The following KIF19 variants were observed in gnomAD, a reference collection of about 807,000 sequenced individuals.
KIF19 encodes kinesin-like protein KIF19.
Under a neutral mutation model 106.6 loss-of-function variants are expected in KIF19, and 98 were observed. That is an observed-to-expected ratio of 0.92 (90% CI 0.78 to 1.09). KIF19 has a LOEUF of 1.09. KIF19 is among the 50% of genes least tolerant of loss of function. The pLI, the probability that KIF19 is intolerant of heterozygous loss-of-function variation, is 0.00. For synonymous variants in KIF19, 516 were observed against 584.2 expected (o/e 0.88, Z 1.68); for missense variants, 1,373 against 1,414.3 (o/e 0.97, Z 0.47).
chr17:74,348,010 C>A, intron 9 of KIF19, 111 bp downstream of exon 9: 1 of 1,265,678 alleles, frequency 7.9e-7, no homozygotes, highest in Non-Finnish European at 1.1e-6. Flanking sequence ...CACTGCTGCA[C>A]TGGCCTCATT....
At position 74,344,264 on chromosome 17, in the gene KIF19, G is replaced by A; in HGVS notation, c.498G>A (p.Leu166=). 1 of 1,612,944 alleles carries A rather than the reference G, an allele frequency of 6.2e-7. No homozygotes were observed. The highest frequency in any genetic ancestry group is 8.5e-7 in the Non-Finnish European group (1 of 1,179,704). Residue 166 remains leucine (L), a synonymous_variant, in exon 6 of 20, where the codon CTG becomes CTA. Coordinates refer to ENST00000389916, the MANE Select transcript of KIF19 (RefSeq NM_153209.4). Reference sequence around the variant, plus strand: ...TCCGGGACCTGCTGAACCCCTCCCTGGGCTACCTGGAGCTGCGGGAGGACT... The same window carrying A: ...TCCGGGACCTGCTGAACCCCTCCCTAGGCTACCTGGAGCTGCGGGAGGACT... ...EMIRDLLNPS[L]GYLELREDSK...
At chr17:74,332,209 TTTGTG>T (rs1567897602) in intron 2 of KIF19, among the ~76,000 whole-genome samples, 116 of 50,430 alleles carry the variant, frequency 2.3e-3, no homozygotes, top group African/African-American at 8.8e-3. Flanking sequence ...TGTGTGTGTG[TTTGTG>T]TGTGTGTGTG....
chr17:74,347,739 G>A (rs1311118883), intron 8 of KIF19, 38 bp from the exon 9 acceptor site: 2 of 1,575,022 alleles, frequency 1.3e-6, no homozygotes, highest in Non-Finnish European at 1.7e-6. Flanking sequence ...AAGGCCTGAG[G>A]AGGCAGTCCC....
intron 15 of KIF19, 86 bp downstream of exon 15, chr17:74,353,040 A>G: frequency 1.3e-6 from 2 of 1,541,372 alleles, no homozygotes; most frequent in Non-Finnish European, 1.8e-6. Flanking sequence ...TGGGGAACAC[A>G]GAGCAGCAAT....
At position 74,355,658 on chromosome 17, in the gene KIF19, CA is replaced by C. The variant is rs1250905014; in HGVS notation, c.*347del. The C allele has an allele frequency of 4.8e-6, 1 of 208,616 alleles. No homozygotes were observed. Among genetic ancestry groups the C allele is most frequent in the Non-Finnish European group, 9.5e-6 (1 of 105,022 alleles). The allele number at this position is 208,616 out of a possible 1,614,324, so 12.9% of individuals were successfully genotyped here. A position where few individuals can be genotyped will look rare whatever the true frequency, so the allele number is the denominator to read the frequency against. ...TGACAGTGAGACGGGGCTCCTGGCC[CA>C]CGTGTGGGGCACGGGCATCCTGGAT... On this transcript the variant is annotated 3_prime_UTR_variant, in exon 20 of 20. Transcript: ENST00000389916.
chr17:74,348,017 C>A, intron 9 of KIF19, 118 bp downstream of exon 9: 1 of 1,227,960 alleles, frequency 8.1e-7, no homozygotes, highest in South Asian at 1.4e-5. Flanking sequence ...GCACTGGCCT[C>A]ATTCCCTAGT....
In KIF19 at chr17:74,355,474, C is replaced by A. The variant is rs2054858057; in HGVS notation, c.*162C>A. The stretch of plus-strand genomic sequence containing the variant: ...CCAGGAACTGGGGTCTCTGCCCAAC[C>A]CTCCCATGCTTTCAGTGCCACTGGG... On this transcript the variant is annotated 3_prime_UTR_variant, in exon 20 of 20. Coordinates refer to ENST00000389916, the MANE Select transcript of KIF19 (RefSeq NM_153209.4). 8 of 913,558 alleles carry A rather than the reference C, an allele frequency of 8.8e-6. No homozygotes were observed. Among genetic ancestry groups the A allele is most frequent in the Non-Finnish European group, 1.6e-6 (1 of 635,562 alleles). The allele number at this position is 913,558 out of a possible 1,614,324, so 56.6% of individuals were successfully genotyped here. A position where few individuals can be genotyped will look rare whatever the true frequency, so the allele number is the denominator to read the frequency against.
At position 74,346,795 on chromosome 17, in the gene KIF19, G is replaced by C. The variant is rs1045624829; in HGVS notation, c.924+271G>C. ...GCAATGGGAAGGAAAAGGAGCACGTGATACCCCCACCCAGGGCTGTGGGTC... is the reference window on the plus strand; with the variant it reads ...GCAATGGGAAGGAAAAGGAGCACGTCATACCCCCACCCAGGGCTGTGGGTC... On this transcript the variant is annotated intron_variant, in intron 8 of 19. Transcript: ENST00000389916. The surrounding 1 kb of genome is among the most constrained non-coding windows in gnomAD (Gnocchi z 4.6). 3.3e-5 allele frequency among the ~76,000 whole-genome samples: 5 copies of C among 152,226 alleles called. No homozygotes were observed. The highest frequency in any genetic ancestry group is 1.2e-4 in the African/African-American group (5 of 41,462).
In KIF19 at chr17:74,355,714, G is replaced by T. The variant is rs1195432025; in HGVS notation, c.*402G>T. 2 of 165,482 alleles carry T rather than the reference G, an allele frequency of 1.2e-5. No homozygotes were observed. The highest frequency in any genetic ancestry group is 1.2e-5 in the Non-Finnish European group (1 of 80,736). The allele number at this position is 165,482 out of a possible 1,614,324, so 10.3% of individuals were successfully genotyped here. A position where few individuals can be genotyped will look rare whatever the true frequency, so the allele number is the denominator to read the frequency against. On this transcript the variant is annotated 3_prime_UTR_variant, in exon 20 of 20. Coordinates refer to ENST00000389916, the MANE Select transcript of KIF19 (RefSeq NM_153209.4). ...GGGGAGGCGCCGACAGGCACTTCAC[G>T]TATTACAATTGGGGATGTGGGTGAG...
In KIF19 at chr17:74,343,238, T is replaced by G. The variant is rs141469785; in HGVS notation, c.456+78T>G. On this transcript the variant is annotated intron_variant, in intron 5 of 19. Transcript: ENST00000389916. ...GTCACTGTGCAGCTTCCCGGGGCGC[T>G]CATCACTGCTGCCCTCCTGCATGCC... is the stretch of plus-strand genomic sequence containing the variant. 2.4e-3 allele frequency: 3,452 copies of G among 1,427,150 alleles called. 71 individuals carry two copies. In the African/African-American group the frequency reaches 0.04, roughly 17 times the overall value. 88.4% of individuals were successfully genotyped at this position (1,427,150 alleles called of 1,614,324 possible).
In KIF19 at chr17:74,355,393, G is replaced by A; in HGVS notation, c.*81G>A. On this transcript the variant is annotated 3_prime_UTR_variant, in exon 20 of 20. Transcript: ENST00000389916. The stretch of plus-strand genomic sequence containing the variant: ...GGGCATGGGAGGTGGAGGCTGGGCA[G>A]ATGGAGATGACCAGGAAGTAAGCTC... 6.9e-7 allele frequency: 1 copy of A among 1,440,296 alleles called. No homozygotes were observed. The highest frequency in any genetic ancestry group is 9.2e-7 in the Non-Finnish European group (1 of 1,090,126). 89.2% of individuals were successfully genotyped at this position (1,440,296 alleles called of 1,614,324 possible).
At chr17:74,350,677 G>T in intron 11 of KIF19, 30 bp from the exon 12 acceptor site, 1 of 1,612,900 alleles carries the variant, frequency 6.2e-7, no homozygotes, top group South Asian at 1.1e-5. Flanking sequence ...TGGCCTGAAT[G>T]CCCTGTCTCT....
chr17:74,333,260 C>T (rs928674042), intron 2 of KIF19, among the ~76,000 whole-genome samples: 5 of 152,188 alleles, frequency 3.3e-5, no homozygotes, highest in Non-Finnish European at 2.9e-5. Context: ...CCTGTGTCCC[C>T]AGCCCCTCCC....
In KIF19 at chr17:74,344,166, C is replaced by T. The variant is rs1419573984; in HGVS notation, c.457-57C>T. 12 of 1,548,334 alleles carry T rather than the reference C, an allele frequency of 7.8e-6. No homozygotes were observed. In the Admixed American group the frequency reaches 2.4e-4, roughly 30 times the overall value. ...AAAGGAAAGGGGACTCAGCCCTGGC[C>T]TTGACCTCCTGCCCTTAGTCTCCCT... On this transcript the variant is annotated intron_variant, in intron 5 of 19. Transcript: ENST00000389916.
In KIF19 at chr17:74,326,231, G is replaced by C. The variant is rs1242434844; in HGVS notation, c.-119G>C. ...GCTGGCGCGTTGTTGGTTTCGGGTT[G>C]TCAGGCAGCGCGCGAGGCGGCGGGC... On this transcript the variant is annotated 5_prime_UTR_variant, in exon 1 of 20. Coordinates refer to ENST00000389916, the MANE Select transcript of KIF19 (RefSeq NM_153209.4). The C allele has an allele frequency of 4.3e-6, 4 of 928,814 alleles. No individual in the cohort carries two copies. In the African/African-American group the frequency reaches 5.2e-5, roughly 12 times the overall value. 57.5% of individuals were successfully genotyped at this position (928,814 alleles called of 1,614,324 possible).
Position 74,328,441 on chromosome 17 carries a change from G to C in KIF19, c.56G>C (p.Arg19Pro), listed in dbSNP as rs761535250. The C allele has an allele frequency of 6.2e-7, 1 of 1,610,094 alleles. No individual in the cohort carries two copies. Among genetic ancestry groups the C allele is most frequent in the African/African-American group, 1.3e-5 (1 of 75,002 alleles). Residue 19 changes from arginine to proline, a missense_variant, in exon 2 of 20, where the codon CGG (arginine) becomes CCG (proline). Coordinates refer to ENST00000389916, the MANE Select transcript of KIF19 (RefSeq NM_153209.4). ...CCCTCCCAGGTGGCGCTTCGGGTCC[G>C]GCCCATCAGCGTGGCAGAGCTGGAG... ...DQQLMVALRV[R>P]PISVAELEEG...
chr17:74,326,917 T>A (rs894575631), intron 1 of KIF19, among the ~76,000 whole-genome samples: 7 of 152,110 alleles, frequency 4.6e-5, no homozygotes, highest in Non-Finnish European at 8.8e-5. Flanking sequence ...TTCGAAGTAG[T>A]TCAGAGAAGT....
chr17:74,344,384 G>A (rs779497223), intron 6 of KIF19, 36 bp downstream of exon 6: 1 of 1,604,376 alleles, frequency 6.2e-7, no homozygotes, highest in Admixed American at 1.7e-5. Context: ...GCCGCTGAGA[G>A]GAAGCTCACC....
Position 74,352,073 on chromosome 17 carries a change from C to G in KIF19, c.1794C>G (p.Arg598=). ...GALRHRHEAV[R]RLEQHRSLCD... is the part of the protein sequence containing the mutation. ...TCCGCCACCGCCACGAGGCCGTGCGCCGCCTGGAGCAGCACCGCAGTCTCT... is the reference window on the plus strand; with the variant it reads ...TCCGCCACCGCCACGAGGCCGTGCGGCGCCTGGAGCAGCACCGCAGTCTCT... The change falls in exon 13 of 20, where the codon CGC becomes CGG. Residue 598 remains arginine, a synonymous_variant. Transcript: ENST00000389916. 6.3e-7 allele frequency: 1 copy of G among 1,592,048 alleles called. No individual in the cohort carries two copies. Among genetic ancestry groups the G allele is most frequent in the South Asian group, 1.1e-5 (1 of 89,098 alleles).
Sources: allele counts gnomAD v4.1 joint callset (sites outside exome capture counted in the v4.1 genomes callset), GRCh38; gene constraint gnomAD v4.1.1; non-coding constraint Gnocchi (gnomAD v3.1); transcripts MANE v1.5; gene names NCBI Gene and HGNC (gene_info 2026-07-23, HGNC 2026-07-21).